Variants in IQCJ observed in about 807,000 individuals in gnomAD.
IQCJ encodes IQ domain-containing protein J.
IQCJ carries 9 observed loss-of-function variants against 11.0 expected under a neutral mutation model. The ratio of observed to expected loss-of-function variants is 0.82; its 90% CI spans 0.49 to 1.43. The LOEUF is 1.43. IQCJ is among the 40% of genes most tolerant of loss of function. The pLI, the probability that IQCJ is intolerant of heterozygous loss-of-function variation, is 0.00. For missense variants in IQCJ, 146 were observed against 133.2 expected (o/e 1.10, Z -0.47); for synonymous variants, 55 against 51.3 (o/e 1.07, Z -0.31).
At chr3:159,265,425 G>A (rs1375906134), downstream of IQCJ, 1 of 1,589,682 alleles carries the variant, frequency 6.3e-7, no homozygotes, top group South Asian at 1.1e-5. Context: ...GTTTATGGAG[G>A]GAATAGGATG....
chr3:159,198,648 A>G (rs1017849486), intron 1 of IQCJ, among the ~76,000 whole-genome samples: 10 of 152,204 alleles, frequency 6.6e-5, no homozygotes, highest in African/African-American at 2.2e-4. Context: ...CTGTCACATG[A>G]AAGGTATTGG....
intron 2 of IQCJ, among the ~76,000 whole-genome samples, chr3:159,250,137 G>A (rs1449930271): frequency 6.6e-6 from 1 of 152,164 alleles, no homozygotes. Flanking sequence ...TTGTACTGAG[G>A]AGTAATCATT....
chr3:159,227,605 C>T (rs568496779), intron 1 of IQCJ, among the ~76,000 whole-genome samples: 23 of 152,280 alleles, frequency 1.5e-4, no homozygotes, highest in African/African-American at 5.5e-4. Flanking sequence ...GTAGCCAGGT[C>T]TGGAATGGAC....
chr3:159,257,082 CT>C (rs1227145614), intron 3 of IQCJ, among the ~76,000 whole-genome samples: 2 of 152,140 alleles, frequency 1.3e-5, no homozygotes, highest in African/African-American at 4.8e-5. Flanking sequence ...TGAGATAAAA[CT>C]TTTTCTTCTT....
chr3:159,214,197 G>A (rs961607253), intron 1 of IQCJ, among the ~76,000 whole-genome samples: 1 of 152,028 alleles, frequency 6.6e-6, no homozygotes, highest in Non-Finnish European at 1.5e-5. Context: ...AGCTCAATCT[G>A]TTCACTCTCC....
At position 159,188,583 on chromosome 3, in the gene IQCJ, T is replaced by C. The variant is rs542822850; in HGVS notation, c.10-57260T>C. ...CATTTTACATTTTATGGTACTTTTG[T>C]TACAATTACTGAACCAATATTAAGA... is the stretch of plus-strand genomic sequence containing the variant. On this transcript the variant is annotated intron_variant, in intron 1 of 3. Coordinates refer to ENST00000397832, the MANE Select transcript of IQCJ (RefSeq NM_001042706.3). Among the ~76,000 whole-genome samples the C allele has an allele frequency of 3.3e-5, 5 of 152,328 alleles. No individual in the cohort carries two copies. The South Asian group carries it at 1.0e-3, about 32-fold the overall frequency.
At chr3:159,156,771 A>G (rs1244756633) in intron 1 of IQCJ, among the ~76,000 whole-genome samples, 2 of 152,168 alleles carry the variant, frequency 1.3e-5, no homozygotes, top group African/African-American at 4.8e-5. Context: ...TCTTTAGAAG[A>G]AGGGTTCTAG....
chr3:159,206,974 C>A (rs145664905), intron 1 of IQCJ, among the ~76,000 whole-genome samples: 3 of 152,278 alleles, frequency 2.0e-5, no homozygotes, highest in African/African-American at 7.2e-5. Context: ...TTCCAAATTT[C>A]TTGAGATATT....
intron 1 of IQCJ, among the ~76,000 whole-genome samples, chr3:159,146,301 G>T (rs573550219): frequency 1.3e-5 from 2 of 152,194 alleles, no homozygotes; most frequent in East Asian, 3.9e-4. Flanking sequence ...TAAACATTTG[G>T]AGCTGCTCTA....
At chr3:159,103,846 A>C (rs555456239) in intron 1 of IQCJ, among the ~76,000 whole-genome samples, 1 of 152,400 alleles carries the variant, frequency 6.6e-6, no homozygotes, top group Admixed American at 6.5e-5. Flanking sequence ...TGTTTTGAGA[A>C]GTAATAATGC....
chr3:159,146,546 GCA>G (rs1274948368), intron 1 of IQCJ, among the ~76,000 whole-genome samples: 1 of 152,098 alleles, frequency 6.6e-6, no homozygotes, highest in Non-Finnish European at 1.5e-5. Flanking sequence ...ATGGTGAGGG[GCA>G]AGAATCAAGG....
At chr3:159,104,714 C>T (rs1483453457) in intron 1 of IQCJ, among the ~76,000 whole-genome samples, 2 of 152,186 alleles carry the variant, frequency 1.3e-5, no homozygotes, top group African/African-American at 2.4e-5. Context: ...AAGATCTTTG[C>T]AACTCCTGTT....
At chr3:159,206,194 C>T (rs944924179) in intron 1 of IQCJ, among the ~76,000 whole-genome samples, 7 of 152,160 alleles carry the variant, frequency 4.6e-5, no homozygotes, top group African/African-American at 1.7e-4. Context: ...CATGCTAAAA[C>T]CCACAAACTC....
rs757910685 is a variant in IQCJ at position 159,252,707 on chromosome 3, G to T, written c.75-20G>T. ...AACCTTCTGGATTGGGAGATATTGA[G>T]ACATTATTTCTGTTTCTAGTCACCA... is the stretch of plus-strand genomic sequence containing the variant. On this transcript the variant is annotated intron_variant, in intron 2 of 3. Transcript: ENST00000397832. The T allele has an allele frequency of 1.7e-5, 28 of 1,606,254 alleles. No individual in the cohort carries two copies. The highest frequency in any genetic ancestry group is 1.6e-5 in the Non-Finnish European group (19 of 1,176,102).
intron 1 of IQCJ, among the ~76,000 whole-genome samples, chr3:159,089,865 G>T (rs924384441): frequency 6.6e-6 from 1 of 151,628 alleles, no homozygotes; most frequent in East Asian, 1.9e-4. Flanking sequence ...TTTGGTTTGA[G>T]TGTCCTCCTG....
In IQCJ at chr3:159,091,664, A is replaced by ACG. The variant is rs1349848407; in HGVS notation, c.9+22224_9+22225insGC. On this transcript the variant is annotated intron_variant, in intron 1 of 3. Transcript: ENST00000397832. ...GGGGTATTTACACACACACACACAC[A>ACG]CACACGCATGCACACACACACACAC... Among the ~76,000 whole-genome samples the ACG allele has an allele frequency of 4.4e-3, 217 of 49,210 alleles. 4 individuals carry two copies. Among genetic ancestry groups the ACG allele is most frequent in the East Asian group, 0.021 (14 of 652 alleles). The allele number at this position is 49,210 out of a possible 152,430, so 32.3% of individuals were successfully genotyped here. A position where few individuals can be genotyped will look rare whatever the true frequency, so the allele number is the denominator to read the frequency against.
intron 1 of IQCJ, among the ~76,000 whole-genome samples, chr3:159,238,943 G>A (rs945457422): frequency 6.6e-6 from 1 of 152,160 alleles, no homozygotes; most frequent in East Asian, 1.9e-4. Context: ...GCAACAGGGA[G>A]CTAGTAGAAA....
intron 1 of IQCJ, among the ~76,000 whole-genome samples, chr3:159,203,870 AGC>A (rs1724496728): frequency 6.6e-6 from 1 of 152,132 alleles, no homozygotes; most frequent in Admixed American, 6.5e-5. Flanking sequence ...GTATGTCAAG[AGC>A]AGTTTTCTGT....
chr3:159,122,585 C>T (rs762397837), intron 1 of IQCJ, among the ~76,000 whole-genome samples: 11 of 151,868 alleles, frequency 7.2e-5, no homozygotes, highest in East Asian at 3.9e-4. Flanking sequence ...CTTTTTTCTT[C>T]GAAAAGTTTC....
Sources: gnomAD v4.1 joint callset for allele counts (sites outside exome capture counted in the v4.1 genomes callset) on GRCh38, gnomAD v4.1.1 for gene constraint, MANE v1.5 for transcripts, NCBI Gene and HGNC (gene_info 2026-07-23, HGNC 2026-07-21) for gene names.